PARD3: variants seen among roughly 807,000 people sequenced by gnomAD.
The protein encoded by PARD3 is par-3 family cell polarity regulator.
A neutral mutation model predicts 155.4 loss-of-function variants in PARD3; 75 were observed. That is an observed-to-expected ratio of 0.48 (90% CI 0.40 to 0.58). The LOEUF (loss-of-function observed/expected upper bound fraction) is 0.58. Ranked by LOEUF, PARD3 falls within the 20% of genes least tolerant of loss-of-function variation. The pLI, the probability that PARD3 is intolerant of heterozygous loss-of-function variation, is 0.00. For synonymous variants in PARD3, 576 were observed against 610.5 expected (o/e 0.94, Z 0.83); for missense variants, 1,642 against 1,721.7 (o/e 0.95, Z 0.82).
intron 19 of PARD3, among the ~76,000 whole-genome samples, chr10:34,325,872 C>T (rs558116633): frequency 1.3e-5 from 2 of 152,142 alleles, no homozygotes; most frequent in South Asian, 2.1e-4. Flanking sequence ...CCTGTAATCC[C>T]AGCACTTTGG....
At chr10:34,576,262 C>T (rs904223297) in intron 2 of PARD3, among the ~76,000 whole-genome samples, 2 of 152,210 alleles carry the variant, frequency 1.3e-5, no homozygotes, top group African/African-American at 2.4e-5. Flanking sequence ...TAATACAGTT[C>T]GCTTGCCTCT....
chr10:34,502,623 T>C (rs936954438), intron 3 of PARD3, among the ~76,000 whole-genome samples: 60 of 152,122 alleles, frequency 3.9e-4, no homozygotes, highest in African/African-American at 1.3e-3. Context: ...TACCCTGCTT[T>C]CCAAAATTGG....
chr10:34,135,118 C>T (rs1030946920), intron 22 of PARD3, among the ~76,000 whole-genome samples: 3 of 151,886 alleles, frequency 2.0e-5, no homozygotes, highest in African/African-American at 7.3e-5. Flanking sequence ...ACAATAAAAC[C>T]CTTAATGAAG....
intron 22 of PARD3, among the ~76,000 whole-genome samples, chr10:34,214,091 G>A (rs750598066): frequency 6.6e-6 from 1 of 151,342 alleles, no homozygotes; most frequent in Non-Finnish European, 1.5e-5. Context: ...TGTAGAGACG[G>A]GGTTTTGCTA....
chr10:34,748,852 CATT>C (rs922345454), intron 1 of PARD3, among the ~76,000 whole-genome samples: 1 of 152,196 alleles, frequency 6.6e-6, no homozygotes, highest in African/African-American at 2.4e-5. Flanking sequence ...ACTCAGGACA[CATT>C]ATAACATTCG....
intron 1 of PARD3, among the ~76,000 whole-genome samples, chr10:34,767,689 C>G (rs1039431597): frequency 1.3e-5 from 2 of 151,952 alleles, no homozygotes; most frequent in Admixed American, 1.3e-4. Context: ...GCCTCCGCCT[C>G]CTGGGTTCAT....
At chr10:34,746,081 G>A (rs564617514) in intron 1 of PARD3, among the ~76,000 whole-genome samples, 9 of 151,992 alleles carry the variant, frequency 5.9e-5, no homozygotes, top group African/African-American at 7.2e-5. Context: ...CAGCCTGGGC[G>A]ACAGAGCAAG....
At chr10:34,688,797 TACTTG>T (rs1303038767) in intron 2 of PARD3, among the ~76,000 whole-genome samples, 3 of 152,214 alleles carry the variant, frequency 2.0e-5, no homozygotes, top group Non-Finnish European at 2.9e-5. Context: ...GGTAATTTAG[TACTTG>T]ACTTTAATTT....
Position 34,154,657 on chromosome 10 carries a change from T to C in PARD3, c.3420-23074A>G, listed in dbSNP as rs114619709. Among the ~76,000 whole-genome samples the C allele has an allele frequency of 3.3e-3, 509 of 152,274 alleles. 3 individuals are homozygous for C. The highest frequency in any genetic ancestry group is 0.012 in the African/African-American group (493 of 41,562). ...GAAGATTTTGTTTCTCCCCAGACAG[T>C]GCCCTCATCTTTCACATACCACCTC... On this transcript the variant is annotated intron_variant, in intron 22 of 24. Transcript: ENST00000374788.
At chr10:34,725,551 C>T (rs1293268479) in intron 1 of PARD3, among the ~76,000 whole-genome samples, 1 of 152,164 alleles carries the variant, frequency 6.6e-6, no homozygotes, top group African/African-American at 2.4e-5. Flanking sequence ...TCACAACAGT[C>T]CCTACTTCCT....
chr10:34,446,811 T>A (rs1564723685), intron 5 of PARD3, among the ~76,000 whole-genome samples: 1 of 152,200 alleles, frequency 6.6e-6, no homozygotes, highest in Non-Finnish European at 1.5e-5. Context: ...TGTTTCATAT[T>A]TTAATACCCT....
At chr10:34,561,626 C>T (rs1215682429) in intron 2 of PARD3, among the ~76,000 whole-genome samples, 7 of 151,960 alleles carry the variant, frequency 4.6e-5, no homozygotes, top group Non-Finnish European at 1.0e-4. Flanking sequence ...TCAAGCAATT[C>T]TCCTGCCTTA....
In PARD3 at chr10:34,695,202, T is replaced by A. The variant is rs150270040; in HGVS notation, c.222+1116A>T. 8.5e-5 allele frequency among the ~76,000 whole-genome samples: 13 copies of A among 152,216 alleles called. No individual in the cohort carries two copies. In the East Asian group the frequency reaches 2.5e-3, roughly 29 times the overall value. On this transcript the variant is annotated intron_variant, in intron 2 of 24. Coordinates refer to ENST00000374788, the MANE Select transcript of PARD3 (RefSeq NM_001184785.2). ...TACAAAAGGAGTGGCCAGGGCCGGG[T>A]GTGGTGGCTCACATCTGTAATGCCA...
chr10:34,756,047 C>T (rs929088898), intron 1 of PARD3, among the ~76,000 whole-genome samples: 1 of 151,528 alleles, frequency 6.6e-6, no homozygotes, highest in Non-Finnish European at 1.5e-5. Flanking sequence ...ACCAAACCAG[C>T]AGAGAGAGGG....
intron 1 of PARD3, among the ~76,000 whole-genome samples, chr10:34,775,633 G>A (rs538553665): frequency 7.6e-5 from 11 of 145,064 alleles, no homozygotes; most frequent in Non-Finnish European, 1.0e-4. Flanking sequence ...AGATATATGC[G>A]TGAGAGAATG....
intron 20 of PARD3, chr10:34,312,125 G>A (rs1428857810): frequency 1.2e-5 from 8 of 682,036 alleles, no homozygotes; most frequent in East Asian, 5.6e-5. Context: ...AAAAAAACAC[G>A]TCTCTGCCTT....
chr10:34,371,678 T>C (rs896807114), intron 12 of PARD3, among the ~76,000 whole-genome samples: 1 of 152,066 alleles, frequency 6.6e-6, no homozygotes, highest in Non-Finnish European at 1.5e-5. Flanking sequence ...GAAAGGGACA[T>C]ATTGACATTA....
chr10:34,419,104 A>C (rs2132399117), intron 5 of PARD3, among the ~76,000 whole-genome samples: 1 of 152,304 alleles, frequency 6.6e-6, no homozygotes, highest in African/African-American at 2.4e-5. Context: ...ACATGTGTTC[A>C]TAAAATTAAA....
chr10:34,147,280 C>T (rs1001731616), intron 22 of PARD3, among the ~76,000 whole-genome samples: 3 of 152,108 alleles, frequency 2.0e-5, no homozygotes, highest in African/African-American at 7.2e-5. Flanking sequence ...AACATATTGG[C>T]TAACTGTGGG....
Sources: allele counts gnomAD v4.1 joint callset (sites outside exome capture counted in the v4.1 genomes callset), GRCh38; gene constraint gnomAD v4.1.1; transcripts MANE v1.5; gene names NCBI Gene and HGNC (gene_info 2026-07-23, HGNC 2026-07-21).